The following OGA variants were observed in gnomAD, a reference collection of about 807,000 sequenced individuals.
The protein encoded by OGA is protein O-GlcNAcase.
Under a neutral mutation model 102.0 loss-of-function variants are expected in OGA, and 21 were observed. That is an observed-to-expected ratio of 0.21 (90% CI 0.15 to 0.30). The LOEUF is 0.30. Among genes scored for constraint, OGA ranks in the 10% least tolerant of loss-of-function variants. The pLI is 1.00. For synonymous variants in OGA, 408 were observed against 378.2 expected, an observed-to-expected ratio of 1.08 and a Z score of -0.91; for missense variants, 765 against 1,107.8, an observed-to-expected ratio of 0.69 and a Z score of 4.39.
At chr10:101,816,287 C>G (rs1382395944) in intron 1 of OGA, among the ~76,000 whole-genome samples, 1 of 152,134 alleles carries the variant, frequency 6.6e-6, no homozygotes, top group Non-Finnish European at 1.5e-5. Context: ...ACAAAACACA[C>G]AAAAAATCAG....
At chr10:101,810,683 T>C (rs930434144) in intron 3 of OGA, among the ~76,000 whole-genome samples, 2 of 152,250 alleles carry the variant, frequency 1.3e-5, no homozygotes, top group African/African-American at 4.8e-5. Flanking sequence ...GTCAATTCTC[T>C]TACTGAACTT....
At chr10:101,806,740 A>G (rs1438298501) in intron 5 of OGA, among the ~76,000 whole-genome samples, 1 of 152,230 alleles carries the variant, frequency 6.6e-6, no homozygotes, top group Non-Finnish European at 1.5e-5. Context: ...AACGCCAAAC[A>G]GAATGAATTG....
intron 14 of OGA, among the ~76,000 whole-genome samples, chr10:101,790,612 C>T (rs937385210): frequency 1.3e-5 from 2 of 151,908 alleles, no homozygotes; most frequent in Non-Finnish European, 2.9e-5. Flanking sequence ...AACTTTAAAA[C>T]AGAGGAAAAA....
In OGA at chr10:101,784,816, A is replaced by G. The variant is rs1019833696; in HGVS notation, c.*1635T>C. The G allele has an allele frequency of 6.6e-6, 1 of 152,248 alleles. No individual in the cohort carries two copies. The highest frequency in any genetic ancestry group is 2.4e-5 in the African/African-American group (1 of 41,464). 9.4% of individuals were successfully genotyped at this position (152,248 alleles called of 1,614,324 possible). On this transcript the variant is annotated 3_prime_UTR_variant, in exon 16 of 16. Transcript: ENST00000361464. ...AAACTCAGCTGTCTTACTATCTGGT[A>G]AGAGTCTTCCCTTCATCTCAAGCCC...
chr10:101,799,512 G>A, intron 8 of OGA, 57 bp from the exon 9 acceptor site: 2 of 1,479,130 alleles, frequency 1.4e-6, no homozygotes, highest in Non-Finnish European at 1.8e-6. Context: ...CAGAATTAGA[G>A]ATAGAACACA....
At position 101,806,098 on chromosome 10, in the gene OGA, T is replaced by C; in HGVS notation, c.698A>G (p.Tyr233Cys). Residue 233 changes from tyrosine (Y) to cysteine (C), a missense_variant, in exon 6 of 16, where the codon TAT becomes TGT. Tyr to Cys is a radical substitution (Grantham distance 194). Around this residue, in one of 7 missense-constraint regions of OGA, gnomAD observed 165 missense variants for 249.7 expected, o/e 0.66. Coordinates refer to ENST00000361464, the MANE Select transcript of OGA (RefSeq NM_012215.5). ...FCYPNVSQSPYLRTVGEKLLP... is the reference protein window; with the variant it reads ...FCYPNVSQSPCLRTVGEKLLP... The stretch of plus-strand genomic sequence containing the variant: ...AAGCTTTTCACCCACAGTCCTTAAA[T>C]ATGGAGACTGAGACACATTTGGATA... 6.2e-7 allele frequency: 1 copy of C among 1,612,406 alleles called. No homozygotes were observed. Among genetic ancestry groups the C allele is most frequent in the Non-Finnish European group, 8.5e-7 (1 of 1,178,386 alleles).
rs1455529062 is a variant in OGA, at chr10:101,787,310, T to C, written c.2614+54A>G. The C allele has an allele frequency of 1.7e-5, 25 of 1,481,220 alleles. No homozygotes were observed. In the East Asian group the frequency reaches 4.6e-4, roughly 27 times the overall value. 91.8% of individuals were successfully genotyped at this position (1,481,220 alleles called of 1,614,324 possible). The stretch of plus-strand genomic sequence containing the variant: ...CTTTCCTTTTATATCCAAAAATATA[T>C]AGTTCTTTCCCTATCTTGCCCAAAT... On this transcript the variant is annotated intron_variant, in intron 15 of 15. Transcript: ENST00000361464.
Position 101,818,115 on chromosome 10 carries a change from C to T in OGA, c.-93G>A. 1 of 1,411,256 alleles carries T rather than the reference C, an allele frequency of 7.1e-7. No individual in the cohort carries two copies. The highest frequency in any genetic ancestry group is 9.2e-7 in the Non-Finnish European group (1 of 1,083,152). 87.4% of individuals were successfully genotyped at this position (1,411,256 alleles called of 1,614,324 possible). The stretch of plus-strand genomic sequence containing the variant: ...CGGAGCCCTGGAGAGGGCTTCAGCT[C>T]CAAGTGTGCGCCCCTCCGGCTCCTT... On this transcript the variant is annotated 5_prime_UTR_variant, in exon 1 of 16. Coordinates refer to ENST00000361464, the MANE Select transcript of OGA (RefSeq NM_012215.5).
At chr10:101,815,313 C>T (rs1454700953) in intron 1 of OGA, among the ~76,000 whole-genome samples, 1 of 151,798 alleles carries the variant, frequency 6.6e-6, no homozygotes, top group Admixed American at 6.6e-5. Flanking sequence ...GAATCTCACT[C>T]TGTCGCCCAG....
At chr10:101,806,225 G>A (rs527558835) in intron 5 of OGA, 82 bp from the exon 6 acceptor site, 92 of 859,932 alleles carry the variant, frequency 1.1e-4, no homozygotes, top group African/African-American at 6.6e-4. Flanking sequence ...TCTTTGAGAC[G>A]GAGTCTCACT....
At chr10:101,814,425 A>C (rs1453628786) in intron 1 of OGA, among the ~76,000 whole-genome samples, 1 of 152,208 alleles carries the variant, frequency 6.6e-6, no homozygotes, top group Non-Finnish European at 1.5e-5. Context: ...TAATTTTATG[A>C]TCGTGCTCCT....
intron 10 of OGA, chr10:101,794,216 A>C: frequency 3.2e-6 from 1 of 309,514 alleles, no homozygotes; most frequent in Non-Finnish European, 6.0e-6. Flanking sequence ...CAGTATTATC[A>C]GTTCTACTCT....
At chr10:101,793,621 T>C in intron 11 of OGA, 1 of 236,910 alleles carries the variant, frequency 4.2e-6, no homozygotes, top group Non-Finnish European at 8.4e-6. Context: ...CATGCGCGCA[T>C]TGTGCATTGC....
At chr10:101,791,254 A>T in intron 13 of OGA, 100 bp downstream of exon 13, 1 of 1,235,404 alleles carries the variant, frequency 8.1e-7, no homozygotes, top group Non-Finnish European at 1.1e-6. Flanking sequence ...CCAAAGTGGG[A>T]TTTAAAATAA....
At chr10:101,787,761 T>A in intron 14 of OGA, 1 of 200,806 alleles carries the variant, frequency 5.0e-6, no homozygotes, top group African/African-American at 2.3e-5. Flanking sequence ...GTGCACGCGC[T>A]CTCTCTCTCT....
In OGA at chr10:101,799,209, T is replaced by C. The variant is rs776714346; in HGVS notation, c.1442A>G (p.Asn481Ser). ...KQEETDHKND[N>S]QILSEIVEAK... ...TTCAACAATTTCACTCAGTATTTGA[T>C]TGTCATTCTTGTGGTCCGTTTCTTC... Residue 481 changes from asparagine to serine, a missense_variant, in exon 9 of 16, where the codon AAT (asparagine) becomes AGT (serine). Coordinates refer to ENST00000361464, the MANE Select transcript of OGA (RefSeq NM_012215.5). The C allele has an allele frequency of 6.8e-6, 11 of 1,614,240 alleles. No homozygotes were observed. Among genetic ancestry groups the C allele is most frequent in the African/African-American group, 5.3e-5 (4 of 75,066 alleles).
rs915778935 is a variant in OGA at position 101,817,793 on chromosome 10, G to T, written c.199+31C>A. ...CCTCCCGAGGACAGAACGTGTTAGTGCCAAAACGGGGAGGGAAGGAGGGCG... is the reference window on the plus strand; with the variant it reads ...CCTCCCGAGGACAGAACGTGTTAGTTCCAAAACGGGGAGGGAAGGAGGGCG... On this transcript the variant is annotated intron_variant, in intron 1 of 15. Coordinates refer to ENST00000361464, the MANE Select transcript of OGA (RefSeq NM_012215.5). The T allele has an allele frequency of 5.2e-6, 8 of 1,534,600 alleles. No individual in the cohort carries two copies. The Admixed American group carries it at 1.6e-4, about 30-fold the overall frequency.
intron 1 of OGA, among the ~76,000 whole-genome samples, chr10:101,817,030 G>T (rs1370566578): frequency 6.6e-6 from 1 of 152,174 alleles, no homozygotes; most frequent in African/African-American, 2.4e-5. Context: ...TAACCGATTC[G>T]TGCCTCTACA....
intron 7 of OGA, 128 bp from the exon 8 acceptor site, chr10:101,800,528 A>G (rs2065375508): frequency 1.0e-5 from 7 of 687,046 alleles, no homozygotes. Context: ...ATGAGAACAA[A>G]CCTTAAACAT....
Sources: gnomAD v4.1 joint callset for allele counts (sites outside exome capture counted in the v4.1 genomes callset) on GRCh38, gnomAD v4.1.1 for gene constraint, gnomAD v4.1.1 regional missense constraint, MANE v1.5 for transcripts, NCBI Gene and HGNC (gene_info 2026-07-23, HGNC 2026-07-21) for gene names.